The following DST variants were observed in gnomAD, a reference collection of about 807,000 sequenced individuals.
DST encodes the protein dystonin.
In DST, 253 loss-of-function variants were observed where a neutral mutation model predicts 875.2. That is an observed-to-expected ratio of 0.29 (90% CI 0.26 to 0.32). The LOEUF (loss-of-function observed/expected upper bound fraction) is 0.32, where lower values mean the gene tolerates loss of function less well. DST is among the 10% of genes least tolerant of loss of function. The probability of loss-of-function intolerance (pLI) is 1.00; values close to 1 mark genes in which losing one functional copy is unlikely to be tolerated. For missense variants in DST, 8,287 were observed against 9,111.6 expected, an observed-to-expected ratio of 0.91 and a Z score of 3.68; for synonymous variants, 3,124 against 3,197.1, an observed-to-expected ratio of 0.98 and a Z score of 0.77.
chr6:56,680,647 T>A (rs965750984), intron 9 of DST, among the ~76,000 whole-genome samples: 4 of 152,170 alleles, frequency 2.6e-5, no homozygotes, highest in Non-Finnish European at 5.9e-5. Context: ...AGCCATTCCT[T>A]CTCAGTCTTC....
At chr6:56,917,030 C>A (rs1801603555) in intron 2 of DST, among the ~76,000 whole-genome samples, 1 of 144,972 alleles carries the variant, frequency 6.9e-6, no homozygotes, top group Non-Finnish European at 1.5e-5. Context: ...CAGGCAGAGG[C>A]TCCTAACACA....
intron 49 of DST, among the ~76,000 whole-genome samples, chr6:56,589,101 A>C (rs953961558): frequency 7.9e-5 from 12 of 152,226 alleles, no homozygotes; most frequent in African/African-American, 2.9e-4. Context: ...ACAGGGTTTT[A>C]ACATCTTTGT....
intron 5 of DST, among the ~76,000 whole-genome samples, chr6:56,718,944 G>T (rs72881024): frequency 0.012 from 1,790 of 152,246 alleles, 24 homozygotes; most frequent in Non-Finnish European, 0.018. Flanking sequence ...TCTTTTTGGG[G>T]TGAGGAAAAT....
At chr6:56,616,192 G>A (rs1333024341) in intron 36 of DST, 1 of 1,614,090 alleles carries the variant, frequency 6.2e-7, no homozygotes, top group Non-Finnish European at 8.5e-7. Flanking sequence ...CTGTAAGTGT[G>A]ATGAGGCCTT....
intron 4 of DST, chr6:56,742,395 G>T: frequency 8.0e-7 from 1 of 1,249,068 alleles, no homozygotes. Context: ...AAACTCTGAT[G>T]TGTCAGAGTC....
chr6:56,763,161 C>T (rs1218436703), intron 4 of DST, among the ~76,000 whole-genome samples: 2 of 152,054 alleles, frequency 1.3e-5, no homozygotes, highest in African/African-American at 4.8e-5. Flanking sequence ...AGAACATTAC[C>T]TTTATAGAAA....
At chr6:56,893,161 T>A (rs1429248228) in intron 3 of DST, among the ~76,000 whole-genome samples, 1 of 152,176 alleles carries the variant, frequency 6.6e-6, no homozygotes, top group African/African-American at 2.4e-5. Context: ...CTCCTCATAC[T>A]CTTCCTCCCA....
At chr6:56,593,555 T>C in intron 48 of DST, 108 bp downstream of exon 48, 1 of 760,870 alleles carries the variant, frequency 1.3e-6, no homozygotes, top group Non-Finnish European at 1.9e-6. Context: ...TAAAGCTACC[T>C]TTTCCTCCTG....
intron 2 of DST, among the ~76,000 whole-genome samples, chr6:56,944,009 C>T (rs1350440803): frequency 2.0e-5 from 3 of 151,888 alleles, no homozygotes; most frequent in African/African-American, 4.8e-5. Flanking sequence ...CCCAGCTACT[C>T]GGGCAGCTGA....
intron 4 of DST, among the ~76,000 whole-genome samples, chr6:56,789,661 A>AT (rs2099711665): frequency 6.6e-6 from 1 of 152,142 alleles, no homozygotes. Context: ...TTCTGTGACT[A>AT]TGACTACTCT....
chr6:56,862,191 C>T (rs1771565676), intron 3 of DST, among the ~76,000 whole-genome samples: 1 of 152,164 alleles, frequency 6.6e-6, no homozygotes, highest in South Asian at 2.1e-4. Flanking sequence ...CTCTCTCTCG[C>T]ACACACACAT....
chr6:56,693,512 TG>T (rs2099245814), intron 9 of DST: 1 of 557,680 alleles, frequency 1.8e-6, no homozygotes, highest in Non-Finnish European at 2.3e-6. Flanking sequence ...TTTTCTGAAA[TG>T]CAGATACACT....
chr6:56,613,396 CAT>C (rs1339782423), intron 37 of DST, among the ~76,000 whole-genome samples: 2 of 152,134 alleles, frequency 1.3e-5, no homozygotes, highest in Non-Finnish European at 2.9e-5. Context: ...ACACTTGCCT[CAT>C]ATCACAGCCA....
intron 3 of DST, among the ~76,000 whole-genome samples, chr6:56,887,343 C>A (rs537958060): frequency 6.6e-6 from 1 of 152,268 alleles, no homozygotes; most frequent in East Asian, 1.9e-4. Flanking sequence ...AATTGTAAGG[C>A]ATGGGATTTA....
intron 77 of DST, among the ~76,000 whole-genome samples, chr6:56,505,830 TA>T (rs2096292995): frequency 6.6e-6 from 1 of 151,614 alleles, no homozygotes; most frequent in South Asian, 2.1e-4. Context: ...AGATAATTTT[TA>T]ATATTAAAAA....
intron 47 of DST, 24 bp downstream of exon 47, chr6:56,597,716 T>C: frequency 6.3e-7 from 1 of 1,598,894 alleles, no homozygotes; most frequent in Non-Finnish European, 8.5e-7. Flanking sequence ...AATTGAACGA[T>C]ATCATATGTT....
At chr6:56,910,420 G>C (rs1317809409) in intron 2 of DST, among the ~76,000 whole-genome samples, 2 of 152,166 alleles carry the variant, frequency 1.3e-5, no homozygotes, top group Non-Finnish European at 2.9e-5. Flanking sequence ...GCCTCCCAAA[G>C]TGCTGGGATT....
intron 4 of DST, among the ~76,000 whole-genome samples, chr6:56,778,997 C>T (rs1230972472): frequency 2.6e-5 from 4 of 152,070 alleles, no homozygotes; most frequent in Non-Finnish European, 4.4e-5. Flanking sequence ...TACAGTCCCA[C>T]CAATAGCGTA....
Position 56,532,426 on chromosome 6 carries a change from G to C in DST, c.17026C>G (p.Pro5676Ala). 1 of 1,613,246 alleles carries C rather than the reference G, an allele frequency of 6.2e-7. No homozygotes were observed. Among genetic ancestry groups the C allele is most frequent in the South Asian group, 1.1e-5 (1 of 90,938 alleles). Residue 5676 changes from proline to alanine, a missense_variant, in exon 64 of 104, where the codon CCC becomes GCC. Around this residue, in one of 10 missense-constraint regions of DST, gnomAD observed 777 missense variants for 764.8 expected, o/e 1.02. Transcript: ENST00000680361. ...EGEKIATTAEPADKVKILKQL... is the reference protein window; with the variant it reads ...EGEKIATTAEAADKVKILKQL... ...TTCAAAATCTTCACTTTATCTGCGGGCTCTGCTGTTGTAGCAATTTTTTCT... is the reference window on the plus strand; with the variant it reads ...TTCAAAATCTTCACTTTATCTGCGGCCTCTGCTGTTGTAGCAATTTTTTCT...
Sources: gnomAD v4.1 joint callset for allele counts (sites outside exome capture counted in the v4.1 genomes callset) on GRCh38, gnomAD v4.1.1 for gene constraint, gnomAD v4.1.1 regional missense constraint, MANE v1.5 for transcripts, NCBI Gene and HGNC (gene_info 2026-07-23, HGNC 2026-07-21) for gene names.